RIC1: variants seen among roughly 807,000 people sequenced by gnomAD.
The protein encoded by RIC1 is RIC1 partner of RAB6A GEF complex.
Under a neutral mutation model 169.0 loss-of-function variants are expected in RIC1, and 88 were observed. The observed-to-expected ratio is 0.52, with a 90% CI of 0.44 to 0.62. The LOEUF is 0.62. Ranked by LOEUF, RIC1 falls within the 20% of genes least tolerant of loss-of-function variation. The pLI is 0.00. For missense variants in RIC1, 1,877 were observed against 1,725.5 expected (o/e 1.09, Z -1.56); for synonymous variants, 790 against 601.5 (o/e 1.31, Z -4.59).
At chr9:5,719,531 T>C (rs1823462589) in intron 4 of RIC1, 1 of 152,236 alleles carries the variant, frequency 6.6e-6, no homozygotes, top group Admixed American at 6.5e-5. Context: ...TAAATGTTTG[T>C]AGAAGGAATG....
intron 1 of RIC1, among the ~76,000 whole-genome samples, chr9:5,644,920 G>A (rs958947492): frequency 2.0e-5 from 3 of 152,140 alleles, no homozygotes; most frequent in African/African-American, 7.2e-5. Flanking sequence ...GTTCTAGAGG[G>A]TTTGTAGTGG....
chr9:5,685,562 T>G (rs1304173353), intron 2 of RIC1, among the ~76,000 whole-genome samples: 2 of 150,850 alleles, frequency 1.3e-5, no homozygotes, highest in Admixed American at 1.3e-4. Context: ...CTGGGAAAAC[T>G]GGCTAGCCAT....
At chr9:5,668,697 C>G (rs542893492) in intron 2 of RIC1, among the ~76,000 whole-genome samples, 114 of 152,178 alleles carry the variant, frequency 7.5e-4, no homozygotes, top group African/African-American at 2.6e-3. Context: ...ATTTTAGTTA[C>G]TGTACTTTTT....
At chr9:5,701,454 A>G (rs913457243) in intron 3 of RIC1, among the ~76,000 whole-genome samples, 5 of 152,072 alleles carry the variant, frequency 3.3e-5, no homozygotes, top group African/African-American at 1.2e-4. Context: ...CTCTACTAAC[A>G]ATACAAAAAT....
At chr9:5,679,265 A>G (rs904877309) in intron 2 of RIC1, among the ~76,000 whole-genome samples, 5 of 152,184 alleles carry the variant, frequency 3.3e-5, no homozygotes, top group Non-Finnish European at 5.9e-5. Context: ...GTTTGAAGTC[A>G]GGTAGTGTGA....
chr9:5,631,173 G>A (rs1817696895), intron 1 of RIC1, among the ~76,000 whole-genome samples: 1 of 152,158 alleles, frequency 6.6e-6, no homozygotes, highest in Non-Finnish European at 1.5e-5. Flanking sequence ...GTTTGGTTTT[G>A]GAGTTACATA....
In RIC1 at chr9:5,629,151, T is replaced by C. The variant is rs946177735; in HGVS notation, c.-159T>C. 1.3e-5 allele frequency: 8 copies of C among 606,198 alleles called. No individual in the cohort carries two copies. The African/African-American group carries it at 1.4e-4, about 10-fold the overall frequency. The allele number at this position is 606,198 out of a possible 1,614,324, so 37.6% of individuals were successfully genotyped here. On this transcript the variant is annotated 5_prime_UTR_variant, in exon 1 of 26. Coordinates refer to ENST00000414202, the MANE Select transcript of RIC1 (RefSeq NM_020829.4). ...TGGGGGTGCCTTCGTCGCGCAGCCT[T>C]GCGTCGGCCCGGCCCGGCCAGGCCA...
Position 5,714,016 on chromosome 9 carries a change from G to A in RIC1, c.440+13G>A, listed in dbSNP as rs775893841. On this transcript the variant is annotated intron_variant, in intron 4 of 25. Transcript: ENST00000414202. ...CACCCATCATGAGGTACAGTACTTT[G>A]GTTAAATTTGACATTGTGTGATGAC... 6.4e-7 allele frequency: 1 copy of A among 1,556,528 alleles called. No homozygotes were observed. The highest frequency in any genetic ancestry group is 1.1e-5 in the South Asian group (1 of 88,738).
chr9:5,685,773 A>T (rs1039650863), intron 2 of RIC1, among the ~76,000 whole-genome samples: 9 of 146,082 alleles, frequency 6.2e-5, no homozygotes, highest in African/African-American at 2.2e-4. Context: ...AAAATTGACA[A>T]ATGGGATGTA....
chr9:5,722,086 C>G (rs1191521030), intron 6 of RIC1, among the ~76,000 whole-genome samples: 2 of 151,854 alleles, frequency 1.3e-5, no homozygotes, highest in Admixed American at 6.6e-5. Context: ...CGGGGTTTCT[C>G]CCTGTTGGTC....
intron 2 of RIC1, among the ~76,000 whole-genome samples, chr9:5,664,356 T>C (rs1345028259): frequency 6.6e-6 from 1 of 151,810 alleles, no homozygotes; most frequent in Non-Finnish European, 1.5e-5. Flanking sequence ...GAGGTTGCAG[T>C]GAGCTGAGAT....
At chr9:5,740,489 ATT>A (rs1423045848) in intron 8 of RIC1, among the ~76,000 whole-genome samples, 2 of 151,852 alleles carry the variant, frequency 1.3e-5, no homozygotes, top group African/African-American at 4.8e-5. Flanking sequence ...AGGGGAGTTT[ATT>A]AAGTATTAAT....
intron 1 of RIC1, among the ~76,000 whole-genome samples, chr9:5,648,946 CA>C (rs1818664797): frequency 6.6e-6 from 1 of 152,106 alleles, no homozygotes; most frequent in African/African-American, 2.4e-5. Flanking sequence ...GTCTACCATT[CA>C]AAAGGAAGGT....
At chr9:5,759,757 G>C (rs1045799841) in intron 17 of RIC1, among the ~76,000 whole-genome samples, 5 of 151,948 alleles carry the variant, frequency 3.3e-5, no homozygotes, top group Admixed American at 1.3e-4. Context: ...TGTCTTAATT[G>C]AAAATATTCT....
chr9:5,675,181 T>A (rs533814646), intron 2 of RIC1, among the ~76,000 whole-genome samples: 2 of 152,064 alleles, frequency 1.3e-5, no homozygotes, highest in African/African-American at 4.8e-5. Context: ...CTAATTCCGA[T>A]TGGCTAATTT....
chr9:5,723,336 T>A (rs1823731820), intron 6 of RIC1, among the ~76,000 whole-genome samples: 1 of 152,244 alleles, frequency 6.6e-6, no homozygotes, highest in Non-Finnish European at 1.5e-5. Context: ...CATGTGTCTG[T>A]TGGCTGCATA....
At chr9:5,671,734 C>T (rs1424549959) in intron 2 of RIC1, among the ~76,000 whole-genome samples, 1 of 152,212 alleles carries the variant, frequency 6.6e-6, no homozygotes, top group Non-Finnish European at 1.5e-5. Context: ...TAACTCCTCT[C>T]CTCTTCTCAG....
chr9:5,701,360 C>G (rs1822205813), intron 3 of RIC1, among the ~76,000 whole-genome samples: 1 of 152,142 alleles, frequency 6.6e-6, no homozygotes, highest in Non-Finnish European at 1.5e-5. Flanking sequence ...CCTGCAATCT[C>G]AGCACTTTGG....
intron 14 of RIC1, 130 bp downstream of exon 14, chr9:5,753,776 A>G (rs553457232): frequency 1.0e-4 from 47 of 472,116 alleles, no homozygotes; most frequent in African/African-American, 6.7e-4. Flanking sequence ...GATATAAAAA[A>G]GTGATATTGA....
Sources: allele counts gnomAD v4.1 joint callset (sites outside exome capture counted in the v4.1 genomes callset), GRCh38; gene constraint gnomAD v4.1.1; transcripts MANE v1.5; gene names NCBI Gene and HGNC (gene_info 2026-07-23, HGNC 2026-07-21).